The following TSPAN5 variants were observed in gnomAD, a reference collection of about 807,000 sequenced individuals.
TSPAN5 encodes the protein tetraspanin 5.
In TSPAN5, 10 loss-of-function variants were observed where a neutral mutation model predicts 37.1. The ratio of observed to expected loss-of-function variants is 0.27; its 90% confidence interval spans 0.17 to 0.46. The LOEUF is 0.46. TSPAN5 is among the 20% of genes least tolerant of loss of function. The pLI is 1.00. For synonymous variants in TSPAN5, 110 were observed against 118.9 expected (o/e 0.93, Z 0.48); for missense variants, 195 against 326.6 (o/e 0.60, Z 3.11).
At chr4:98,556,840 C>A (rs1754761525) in intron 1 of TSPAN5, among the ~76,000 whole-genome samples, 2 of 152,050 alleles carry the variant, frequency 1.3e-5, no homozygotes, top group South Asian at 2.1e-4. Flanking sequence ...TCATTCTTTG[C>A]CAAAGATAAG....
intron 1 of TSPAN5, among the ~76,000 whole-genome samples, chr4:98,524,697 T>C (rs1753924295): frequency 1.3e-5 from 2 of 151,696 alleles, no homozygotes; most frequent in South Asian, 4.2e-4. Context: ...AGAATCTAAA[T>C]AAGGAAGCTT....
chr4:98,649,289 A>G (rs1560573718), intron 1 of TSPAN5, among the ~76,000 whole-genome samples: 1 of 152,170 alleles, frequency 6.6e-6, no homozygotes, highest in African/African-American at 2.4e-5. Context: ...ACCCACCCAC[A>G]TACGCCTCAA....
intron 1 of TSPAN5, among the ~76,000 whole-genome samples, chr4:98,550,607 G>GTTT (rs58062106): frequency 7.2e-6 from 1 of 139,112 alleles, no homozygotes; most frequent in Non-Finnish European, 1.6e-5. Flanking sequence ...TCCCAGCTGG[G>GTTT]TTTTTTTTTT....
chr4:98,620,915 T>C (rs1242530787), intron 1 of TSPAN5, among the ~76,000 whole-genome samples: 2 of 152,192 alleles, frequency 1.3e-5, no homozygotes, highest in Non-Finnish European at 2.9e-5. Context: ...GTCACTGTTA[T>C]GGGTTGAACT....
chr4:98,499,949 C>A (rs969419315), intron 2 of TSPAN5, among the ~76,000 whole-genome samples: 3 of 151,848 alleles, frequency 2.0e-5, no homozygotes, highest in African/African-American at 7.3e-5. Context: ...TGTGAGCCAC[C>A]GCGCCCGGCC....
At chr4:98,510,037 C>G (rs1253562708) in intron 1 of TSPAN5, 2 of 152,120 alleles carry the variant, frequency 1.3e-5, no homozygotes, top group Non-Finnish European at 2.9e-5. Context: ...ATGTTCCTGC[C>G]GAAGGCCTCT....
intron 1 of TSPAN5, among the ~76,000 whole-genome samples, chr4:98,531,113 C>T (rs1288091504): frequency 6.6e-6 from 1 of 152,096 alleles, no homozygotes; most frequent in East Asian, 1.9e-4. Flanking sequence ...AGTACATGTG[C>T]AGAACTTGCA....
chr4:98,647,907 C>T (rs1013542182), intron 1 of TSPAN5, among the ~76,000 whole-genome samples: 4 of 150,662 alleles, frequency 2.7e-5, no homozygotes, highest in African/African-American at 9.8e-5. Context: ...AGTAAAACAG[C>T]TCAGAGAAAT....
intron 1 of TSPAN5, among the ~76,000 whole-genome samples, chr4:98,558,792 T>C (rs1362342980): frequency 6.6e-6 from 1 of 152,192 alleles, no homozygotes. Context: ...GCTGACCTAC[T>C]GTGGATAGGC....
At chr4:98,586,453 T>C (rs1755486459) in intron 1 of TSPAN5, among the ~76,000 whole-genome samples, 1 of 151,084 alleles carries the variant, frequency 6.6e-6, no homozygotes, top group African/African-American at 2.4e-5. Flanking sequence ...GGTAACAAGT[T>C]AAAAAAAAAG....
At chr4:98,534,504 T>A (rs1057004772) in intron 1 of TSPAN5, among the ~76,000 whole-genome samples, 3 of 152,194 alleles carry the variant, frequency 2.0e-5, no homozygotes, top group African/African-American at 7.2e-5. Context: ...TGATTTAGGG[T>A]GGAGAGTTCT....
intron 1 of TSPAN5, among the ~76,000 whole-genome samples, chr4:98,618,733 A>T (rs1756404894): frequency 6.6e-6 from 1 of 152,226 alleles, no homozygotes; most frequent in African/African-American, 2.4e-5. Flanking sequence ...TTCAGTGTGT[A>T]GGAGCAAAAA....
chr4:98,535,829 G>GTTGA (rs754094363), intron 1 of TSPAN5, among the ~76,000 whole-genome samples: 9 of 152,198 alleles, frequency 5.9e-5, no homozygotes, highest in Admixed American at 2.0e-4. Context: ...TGATTCGGCT[G>GTTGA]TTGATACTTG....
intron 1 of TSPAN5, among the ~76,000 whole-genome samples, chr4:98,514,929 G>A (rs1272757408): frequency 6.6e-6 from 1 of 152,188 alleles, no homozygotes; most frequent in Non-Finnish European, 1.5e-5. Context: ...AATGGGAAGT[G>A]CTGTGGAAAG....
At chr4:98,536,721 G>A (rs1754241698) in intron 1 of TSPAN5, among the ~76,000 whole-genome samples, 1 of 152,232 alleles carries the variant, frequency 6.6e-6, no homozygotes. Context: ...CTGGCGGTCT[G>A]GCCCCAGCAG....
intron 1 of TSPAN5, among the ~76,000 whole-genome samples, chr4:98,642,644 G>A (rs901289747): frequency 1.3e-5 from 2 of 151,732 alleles, no homozygotes; most frequent in Non-Finnish European, 2.9e-5. Context: ...ACTACATAAC[G>A]ACATTTTAAT....
At chr4:98,585,400 C>T (rs1755466210) in intron 1 of TSPAN5, among the ~76,000 whole-genome samples, 1 of 152,090 alleles carries the variant, frequency 6.6e-6, no homozygotes, top group Admixed American at 6.5e-5. Flanking sequence ...ACCTCTGCCT[C>T]CGGGGTTCAA....
chr4:98,647,779 A>G (rs1432262219), intron 1 of TSPAN5, among the ~76,000 whole-genome samples: 1 of 151,932 alleles, frequency 6.6e-6, no homozygotes, highest in African/African-American at 2.4e-5. Context: ...CTATGTACAT[A>G]TGGATAATAT....
chr4:98,489,058 A>G (rs1753032090), intron 2 of TSPAN5, among the ~76,000 whole-genome samples: 1 of 152,210 alleles, frequency 6.6e-6, no homozygotes, highest in Admixed American at 6.5e-5. Context: ...TTGGGGATAC[A>G]TGAAGACATT....
Sources: gnomAD v4.1 joint callset for allele counts (sites outside exome capture counted in the v4.1 genomes callset) on GRCh38, gnomAD v4.1.1 for gene constraint, MANE v1.5 for transcripts, NCBI Gene and HGNC (gene_info 2026-07-23, HGNC 2026-07-21) for gene names.